The following MDN1 variants were observed in gnomAD, a reference collection of about 807,000 sequenced individuals.
The protein encoded by MDN1 is midasin.
MDN1 carries 266 observed loss-of-function variants against 669.2 expected under a neutral mutation model. The ratio of observed to expected loss-of-function variants is 0.40; its 90% CI spans 0.36 to 0.44. MDN1 has a LOEUF of 0.44. Among genes scored for constraint, MDN1 ranks in the 20% least tolerant of loss-of-function variants. The pLI, the probability that MDN1 is intolerant of heterozygous loss-of-function variation, is 1.00. For synonymous variants in MDN1, 2,385 were observed against 2,457.1 expected, an observed-to-expected ratio of 0.97 and a Z score of 0.87; for missense variants, 5,940 against 6,754.0, an observed-to-expected ratio of 0.88 and a Z score of 4.22.
In MDN1 at chr6:89,642,516, T is replaced by TA. The variant is rs1808229572; in HGVS notation, c.*1488dup. 6.6e-6 allele frequency: 1 copy of TA among 152,240 alleles called. No individual in the cohort carries two copies. The highest frequency in any genetic ancestry group is 2.1e-4 in the South Asian group (1 of 4,836). The allele number at this position is 152,240 out of a possible 1,614,324, so 9.4% of individuals were successfully genotyped here. On this transcript the variant is annotated 3_prime_UTR_variant, in exon 102 of 102. Coordinates refer to ENST00000369393, the MANE Select transcript of MDN1 (RefSeq NM_014611.3). ...AACATCATCATTTATGGAGGATAATTAATTTTTATAAGCCTCCTTATAAGG... is the reference window on the plus strand; with the variant it reads ...AACATCATCATTTATGGAGGATAATTAAATTTTTATAAGCCTCCTTATAAGG...
At chr6:89,716,335 A>C (rs1489369032) in intron 44 of MDN1, among the ~76,000 whole-genome samples, 1 of 152,216 alleles carries the variant, frequency 6.6e-6, no homozygotes, top group Non-Finnish European at 1.5e-5. Flanking sequence ...GCACTGAAGA[A>C]ACCCTAACAA....
At chr6:89,665,433 G>A (rs1290656561) in intron 84 of MDN1, among the ~76,000 whole-genome samples, 1 of 152,154 alleles carries the variant, frequency 6.6e-6, no homozygotes, top group Non-Finnish European at 1.5e-5. Flanking sequence ...TTAAGGCCAG[G>A]CACGGTAGCT....
intron 76 of MDN1, 107 bp from the exon 77 acceptor site, chr6:89,676,314 T>A: frequency 1.1e-6 from 1 of 876,796 alleles, no homozygotes; most frequent in Non-Finnish European, 1.9e-6. Context: ...GAGTCAGCTG[T>A]CTGAATAGGT....
chr6:89,646,963 C>CT (rs1808528089), intron 99 of MDN1, among the ~76,000 whole-genome samples: 1 of 152,050 alleles, frequency 6.6e-6, no homozygotes, highest in Non-Finnish European at 1.5e-5. Context: ...TTATTTTTGT[C>CT]TTTTGTAGAA....
At chr6:89,783,639 G>A (rs1012479134) in intron 9 of MDN1, among the ~76,000 whole-genome samples, 5 of 152,020 alleles carry the variant, frequency 3.3e-5, no homozygotes, top group Non-Finnish European at 5.9e-5. Context: ...CCCACTCCCT[G>A]TTCTTACACC....
At chr6:89,776,378 T>C (rs1350999258) in intron 12 of MDN1, among the ~76,000 whole-genome samples, 1 of 152,192 alleles carries the variant, frequency 6.6e-6, no homozygotes. Context: ...GGAGAATCAC[T>C]TGAACCTAGG....
chr6:89,741,385 C>G (rs1006767570), intron 31 of MDN1, among the ~76,000 whole-genome samples: 1 of 152,096 alleles, frequency 6.6e-6, no homozygotes, highest in African/African-American at 2.4e-5. Context: ...TTTCTTCTAG[C>G]CTCCAAGCTG....
chr6:89,814,709 A>C (rs1768690612), intron 1 of MDN1: 1 of 301,976 alleles, frequency 3.3e-6, no homozygotes, highest in African/African-American at 2.2e-5. Context: ...GAGGGCCTCC[A>C]TGCACCGGAG....
chr6:89,643,295 A>C lies in MDN1; in HGVS notation c.*710T>G, dbSNP rs1808281713. ...TGGCACTGAATGAAATAAAGGGGCA[A>C]TCACCTTCCCATCATTGCATAGTCT... On this transcript the variant is annotated 3_prime_UTR_variant, in exon 102 of 102. Transcript: ENST00000369393. The C allele has an allele frequency of 6.6e-6, 1 of 152,194 alleles. No homozygotes were observed. Among genetic ancestry groups the C allele is most frequent in the African/African-American group, 2.4e-5 (1 of 41,444 alleles). The allele number at this position is 152,194 out of a possible 1,614,324, so 9.4% of individuals were successfully genotyped here.
rs1180868126 is a variant in MDN1, at chr6:89,695,766, A to C, written c.9610T>G (p.Phe3204Val). The C allele has an allele frequency of 1.2e-6, 2 of 1,613,678 alleles. No homozygotes were observed. Among genetic ancestry groups the C allele is most frequent in the South Asian group, 2.2e-5 (2 of 91,074 alleles). The change falls in exon 61 of 102, where the codon TTT (phenylalanine) becomes GTT (valine). Residue 3204 changes from phenylalanine to valine, a missense_variant. Phe to Val is a conservative substitution (Grantham distance 50). Coordinates refer to ENST00000369393, the MANE Select transcript of MDN1 (RefSeq NM_014611.3). The surrounding 1 kb of genome is among the most constrained non-coding windows in gnomAD (Gnocchi z 4.1). ...LCQLLTSLHH[F>V]VGEGESKRSL... ...CTCTTACTCTCCCCTTCACCAACAA[A>C]GTGGTGCAGGGAGGTGAGCAACTGG...
intron 9 of MDN1, among the ~76,000 whole-genome samples, chr6:89,781,927 G>A (rs1244644509): frequency 6.6e-6 from 1 of 152,200 alleles, no homozygotes; most frequent in Non-Finnish European, 1.5e-5. Flanking sequence ...TAAGGCTGCA[G>A]TGAGCAGTGA....
chr6:89,674,402 C>T lies in MDN1; in HGVS notation c.12949G>A (p.Ala4317Thr). 1 of 1,614,214 alleles carries T rather than the reference C, an allele frequency of 6.2e-7. No homozygotes were observed. The highest frequency in any genetic ancestry group is 1.6e-4 in the Middle Eastern group (1 of 6,062). The change falls in exon 79 of 102, where the codon GCT becomes ACT. Residue 4317 changes from alanine to threonine, a missense_variant. Ala to Thr is a moderately conservative substitution (Grantham distance 58, BLOSUM62 0). Coordinates refer to ENST00000369393, the MANE Select transcript of MDN1 (RefSeq NM_014611.3). ...LLQCCPSVGP[A>T]PGHGNVQVLG... ...ACCTGGACATTGCCATGGCCTGGAGCTGGCCCTACACTGGGGCAGCACTGG... is the reference window on the plus strand; with the variant it reads ...ACCTGGACATTGCCATGGCCTGGAGTTGGCCCTACACTGGGGCAGCACTGG...
At chr6:89,669,904 C>T (rs1810520023) in intron 83 of MDN1, among the ~76,000 whole-genome samples, 1 of 151,474 alleles carries the variant, frequency 6.6e-6, no homozygotes, top group Non-Finnish European at 1.5e-5. Flanking sequence ...AAATGACTTC[C>T]CTGCTAAAGA....
chr6:89,692,134 A>C (rs771817147), intron 63 of MDN1, among the ~76,000 whole-genome samples: 20 of 152,220 alleles, frequency 1.3e-4, no homozygotes, highest in Non-Finnish European at 2.4e-4. Flanking sequence ...GGAACATCTT[A>C]ATGCAAGTTG....
chr6:89,786,802 G>A (rs1296099568), intron 8 of MDN1, among the ~76,000 whole-genome samples: 2 of 151,378 alleles, frequency 1.3e-5, no homozygotes, highest in Non-Finnish European at 2.9e-5. Context: ...GCAGGTGCCT[G>A]TAATCCCAGC....
chr6:89,732,529 T>C (rs375447958), intron 34 of MDN1, 28 bp downstream of exon 34: 1 of 1,606,652 alleles, frequency 6.2e-7, no homozygotes, highest in African/African-American at 1.3e-5. Context: ...ACGAGCCCCT[T>C]GTCCCCACCA....
intron 15 of MDN1, among the ~76,000 whole-genome samples, chr6:89,764,436 C>G: frequency 6.6e-6 from 1 of 152,258 alleles, no homozygotes; most frequent in South Asian, 2.1e-4. Context: ...GAAACCCTGT[C>G]TCTACAAAAA....
intron 95 of MDN1, among the ~76,000 whole-genome samples, chr6:89,651,481 T>C (rs924825912): frequency 6.7e-6 from 1 of 149,776 alleles, no homozygotes. Context: ...TCGGGCGTGG[T>C]GGCAAGTGCC....
chr6:89,819,519 A>C lies in MDN1; in HGVS notation c.89T>G (p.Phe30Cys). Residue 30 changes from phenylalanine (F) to cysteine (C), a missense_variant, in exon 1 of 102, where the codon TTC becomes TGC. Transcript: ENST00000369393. ...NEKSRSELGR[F>C]LAKQVWTPQD... is the part of the protein sequence containing the mutation. The stretch of plus-strand genomic sequence containing the variant: ...TTCACGTCTTACCTGCTTGGCCAAG[A>C]ACCTGCCCAACTCACTGCGGCTCTT... 6.2e-7 allele frequency: 1 copy of C among 1,606,180 alleles called. No individual in the cohort carries two copies. The highest frequency in any genetic ancestry group is 1.6e-4 in the Middle Eastern group (1 of 6,062).
Sources: gnomAD v4.1 joint callset for allele counts (sites outside exome capture counted in the v4.1 genomes callset) on GRCh38, gnomAD v4.1.1 for gene constraint, Gnocchi (gnomAD v3.1) non-coding constraint, MANE v1.5 for transcripts, NCBI Gene and HGNC (gene_info 2026-07-23, HGNC 2026-07-21) for gene names.